The following MBTPS1 variants were observed in gnomAD, a reference collection of about 807,000 sequenced individuals.
The protein encoded by MBTPS1 is membrane-bound transcription factor site-1 protease.
In MBTPS1, 94 loss-of-function variants were observed where a neutral mutation model predicts 127.8. That is an observed-to-expected ratio of 0.74 (90% CI 0.62 to 0.87). MBTPS1 has a LOEUF of 0.87. MBTPS1 is among the 40% of genes least tolerant of loss of function. The pLI is 0.00. For synonymous variants in MBTPS1, 632 were observed against 509.4 expected, an observed-to-expected ratio of 1.24 and a Z score of -3.24; for missense variants, 1,636 against 1,353.2, an observed-to-expected ratio of 1.21 and a Z score of -3.28.
At chr16:84,097,493 T>C (rs2086192452) in intron 3 of MBTPS1, among the ~76,000 whole-genome samples, 1 of 152,156 alleles carries the variant, frequency 6.6e-6, no homozygotes, top group African/African-American at 2.4e-5. Context: ...CACAGGGGTG[T>C]CAGGCACCCG....
At chr16:84,075,747 T>C (rs76850679) in intron 11 of MBTPS1, 1 of 152,338 alleles carries the variant, frequency 6.6e-6, no homozygotes, top group African/African-American at 2.4e-5. Flanking sequence ...AAATGGAATA[T>C]CTTTAGGGAT....
intron 1 of MBTPS1, among the ~76,000 whole-genome samples, chr16:84,107,211 C>T (rs1447210013): frequency 1.3e-5 from 2 of 152,204 alleles, no homozygotes; most frequent in Non-Finnish European, 2.9e-5. Flanking sequence ...GAGACAGAGA[C>T]CACTAGCTTA....
chr16:84,101,699 A>G lies in MBTPS1; in HGVS notation c.85T>C (p.Ser29Pro). The change falls in exon 2 of 23, where the codon TCT becomes CCT. Residue 29 changes from serine (S) to proline (P), a missense_variant. Physicochemically the swap from Ser to Pro is moderately conservative, Grantham distance 74 (BLOSUM62 -1). Coordinates refer to ENST00000343411, the MANE Select transcript of MBTPS1 (RefSeq NM_003791.4). The part of the protein sequence containing the change: ...KHLGDRLEKK[S>P]FEKAPCPGCS... ...CCAGGGCATGGGGCCTTTTCAAAAG[A>G]TTTCTTTTCCAGTCTGTCGCCCAGA... The G allele has an allele frequency of 1.2e-6, 2 of 1,614,154 alleles. No individual in the cohort carries two copies. The highest frequency in any genetic ancestry group is 1.7e-6 in the Non-Finnish European group (2 of 1,180,020).
chr16:84,076,084 T>G lies in MBTPS1; in HGVS notation c.1449-1343A>C, dbSNP rs184239122. Among the ~76,000 whole-genome samples the G allele has an allele frequency of 6.2e-4, 95 of 152,266 alleles. 2 individuals carry two copies. Among genetic ancestry groups the G allele is most frequent in the African/African-American group, 2.1e-3 (89 of 41,554 alleles). Reference sequence around the variant, plus strand: ...TCAACATCATATTAAGAAAACAAAATAGCAAGACCAGTGGCATTTATTACA... The same window carrying G: ...TCAACATCATATTAAGAAAACAAAAGAGCAAGACCAGTGGCATTTATTACA... On this transcript the variant is annotated intron_variant, in intron 11 of 22. Transcript: ENST00000343411.
intron 4 of MBTPS1, 131 bp from the exon 5 acceptor site, chr16:84,093,952 C>A: frequency 1.4e-6 from 1 of 696,044 alleles, no homozygotes; most frequent in Non-Finnish European, 2.5e-6. Context: ...CTGCTCAGAG[C>A]AAATAAGTTA....
intron 1 of MBTPS1, among the ~76,000 whole-genome samples, chr16:84,104,759 A>T (rs962563989): frequency 3.9e-5 from 6 of 152,124 alleles, no homozygotes; most frequent in African/African-American, 1.4e-4. Context: ...AAAAGAAAGG[A>T]TTTGGCGGTT....
Position 84,066,616 on chromosome 16 carries a change from G to A in MBTPS1, c.2229-3C>T, listed in dbSNP as rs1217089209. 1.2e-6 allele frequency: 2 copies of A among 1,613,668 alleles called. No homozygotes were observed. The highest frequency in any genetic ancestry group is 2.2e-5 in the East Asian group (1 of 44,878). ...CGGTATCCGGCATCCACCACTGCCT[G>A]GGAAAGTGGTAACAGACACACAGGG... is the stretch of plus-strand genomic sequence containing the variant. On this transcript the variant is annotated splice_polypyrimidine_tract_variant and splice_region_variant and intron_variant, in intron 16 of 22. Transcript: ENST00000343411.
intron 16 of MBTPS1, 74 bp from the exon 17 acceptor site, chr16:84,066,687 A>G: frequency 7.1e-7 from 1 of 1,408,220 alleles, no homozygotes; most frequent in Non-Finnish European, 9.7e-7. Flanking sequence ...AGTCTCTGTG[A>G]CAAAACTCAA....
intron 10 of MBTPS1, chr16:84,082,143 G>C (rs2085951229): frequency 3.0e-6 from 1 of 336,800 alleles, no homozygotes. Flanking sequence ...AAATGCATCA[G>C]TAACACATAT....
chr16:84,081,629 G>A lies in MBTPS1; in HGVS notation c.1448+118C>T, dbSNP rs117787437. Reference sequence around the variant, plus strand: ...GCAGCAAAACCTCTCCAAGCACCCCGAGAATTCTGTGCTTAGTCATCATTT... The same window carrying A: ...GCAGCAAAACCTCTCCAAGCACCCCAAGAATTCTGTGCTTAGTCATCATTT... On this transcript the variant is annotated intron_variant, in intron 11 of 22. Coordinates refer to ENST00000343411, the MANE Select transcript of MBTPS1 (RefSeq NM_003791.4). 4,067 of 821,400 alleles carry A rather than the reference G, an allele frequency of 5.0e-3. 25 individuals carry two copies. Among genetic ancestry groups the A allele is most frequent in the Non-Finnish European group, 6.3e-3 (3,672 of 585,684 alleles). The allele number at this position is 821,400 out of a possible 1,614,324, so 50.9% of individuals were successfully genotyped here.
intron 8 of MBTPS1, among the ~76,000 whole-genome samples, chr16:84,089,193 G>A (rs965929874): frequency 1.3e-5 from 2 of 152,270 alleles, no homozygotes; most frequent in Non-Finnish European, 2.9e-5. Flanking sequence ...GTGTACATGG[G>A]GAAGTGGAAG....
At chr16:84,093,318 A>G (rs776213803) in intron 5 of MBTPS1, 21 bp from the exon 6 acceptor site, 33 of 1,500,762 alleles carry the variant, frequency 2.2e-5, no homozygotes, top group Middle Eastern at 1.7e-4. Context: ...TAAAGAAAAC[A>G]ATCCCATAAA....
Position 84,093,767 on chromosome 16 carries a change from T to C in MBTPS1, c.680A>G (p.His227Arg), listed in dbSNP as rs1296417985. 1 of 1,614,164 alleles carries C rather than the reference T, an allele frequency of 6.2e-7. No individual in the cohort carries two copies. The highest frequency in any genetic ancestry group is 1.7e-5 in the Admixed American group (1 of 60,014). ...GGTTCTCTCCTTCACATTTTTGAAGTGGGGATGCTTCTCGCTCAGCCCAGT... is the reference window on the plus strand; with the variant it reads ...GGTTCTCTCCTTCACATTTTTGAAGCGGGGATGCTTCTCGCTCAGCCCAGT... ...FDTGLSEKHP[H>R]FKNVKERTNW... Residue 227 changes from histidine to arginine, a missense_variant, in exon 5 of 23, where the codon CAC becomes CGC. By Grantham distance (29) the His-to-Arg change is conservative. Coordinates refer to ENST00000343411, the MANE Select transcript of MBTPS1 (RefSeq NM_003791.4).
At chr16:84,107,620 T>C (rs938494925) in intron 1 of MBTPS1, among the ~76,000 whole-genome samples, 4 of 151,872 alleles carry the variant, frequency 2.6e-5, no homozygotes, top group Non-Finnish European at 5.9e-5. Flanking sequence ...AAAAATGCCA[T>C]AACGGGGGCA....
At chr16:84,111,077 T>C (rs775663206) in intron 1 of MBTPS1, among the ~76,000 whole-genome samples, 8 of 152,218 alleles carry the variant, frequency 5.3e-5, no homozygotes, top group Non-Finnish European at 1.0e-4. Context: ...AACCTGGGAA[T>C]GTTACTTTAC....
chr16:84,116,745 G>C lies in MBTPS1; in HGVS notation c.-335C>G, dbSNP rs770922765. 1 of 152,124 alleles carries C rather than the reference G, an allele frequency of 6.6e-6. No individual in the cohort carries two copies. Among genetic ancestry groups the C allele is most frequent in the Non-Finnish European group, 1.5e-5 (1 of 68,030 alleles). The allele number at this position is 152,124 out of a possible 1,614,324, so 9.4% of individuals were successfully genotyped here. On this transcript the variant is annotated 5_prime_UTR_variant, in exon 1 of 23. Coordinates refer to ENST00000343411, the MANE Select transcript of MBTPS1 (RefSeq NM_003791.4). ...GGGCGGCTGACGTACCTGCGCCGCC[G>C]GGAGCTCAGGGCCGGCGGGCCCGGG...
At chr16:84,104,211 T>G (rs1323220952) in intron 1 of MBTPS1, among the ~76,000 whole-genome samples, 1 of 149,332 alleles carries the variant, frequency 6.7e-6, no homozygotes, top group African/African-American at 2.4e-5. Context: ...AATGCGTTTC[T>G]CACTCAAGGC....
intron 15 of MBTPS1, 119 bp from the exon 16 acceptor site, chr16:84,067,942 G>C: frequency 3.3e-6 from 3 of 904,136 alleles, no homozygotes; most frequent in Middle Eastern, 2.3e-4. Flanking sequence ...AGTCTGGTTT[G>C]TGCCACCCTG....
chr16:84,091,676 G>C, intron 7 of MBTPS1, 56 bp downstream of exon 7: 2 of 1,186,666 alleles, frequency 1.7e-6, no homozygotes, highest in Non-Finnish European at 2.5e-6. Flanking sequence ...TGCAAAGTTG[G>C]GCTGCGAAAG....
Sources: allele counts gnomAD v4.1 joint callset (sites outside exome capture counted in the v4.1 genomes callset), GRCh38; gene constraint gnomAD v4.1.1; transcripts MANE v1.5; gene names NCBI Gene and HGNC (gene_info 2026-07-23, HGNC 2026-07-21).